Variants in HOPX observed in about 807,000 individuals in gnomAD.
The protein encoded by HOPX is homeodomain-only protein.
HOPX carries 5 observed loss-of-function variants against 11.8 expected under a neutral mutation model. The ratio of observed to expected loss-of-function variants is 0.43; its 90% confidence interval spans 0.22 to 0.89. The LOEUF is 0.89. HOPX is among the 40% of genes least tolerant of loss of function. The pLI, the probability that HOPX is intolerant of heterozygous loss-of-function variation, is 0.28. For missense variants in HOPX, 119 were observed against 120.0 expected (o/e 0.99, Z 0.04); for synonymous variants, 49 against 49.7 (o/e 0.99, Z 0.06).
chr4:56,669,633 C>T (rs1049317535), intron 1 of HOPX, among the ~76,000 whole-genome samples: 6 of 150,972 alleles, frequency 4.0e-5, no homozygotes, highest in Admixed American at 1.3e-4. Flanking sequence ...CACTCCAACC[C>T]GGGTGATAGA....
chr4:56,652,383 A>C (rs1231882095), intron 3 of HOPX, among the ~76,000 whole-genome samples: 1 of 152,026 alleles, frequency 6.6e-6, no homozygotes, highest in African/African-American at 2.4e-5. Flanking sequence ...TGTTCTAGGG[A>C]AGTTAAGAAT....
intron 1 of HOPX, among the ~76,000 whole-genome samples, chr4:56,661,250 G>A (rs746854209): frequency 2.6e-4 from 40 of 152,110 alleles, no homozygotes; most frequent in Admixed American, 2.6e-4. Flanking sequence ...ACTCAACAGT[G>A]TTTCCAGAAC....
chr4:56,671,342 A>G (rs900303019), intron 1 of HOPX, among the ~76,000 whole-genome samples: 1 of 152,066 alleles, frequency 6.6e-6, no homozygotes, highest in African/African-American at 2.4e-5. Context: ...CTGCAAGCAG[A>G]CAGAACTTCC....
At chr4:56,673,384 C>T (rs539461238) in intron 1 of HOPX, among the ~76,000 whole-genome samples, 7 of 152,034 alleles carry the variant, frequency 4.6e-5, no homozygotes, top group South Asian at 4.2e-4. Flanking sequence ...ACTCATCATA[C>T]GCCTAAAGAC....
chr4:56,677,760 G>A (rs1218522504), intron 1 of HOPX, among the ~76,000 whole-genome samples: 1 of 151,450 alleles, frequency 6.6e-6, no homozygotes, highest in African/African-American at 2.5e-5. Flanking sequence ...AAGTCACAAC[G>A]ACAAACTTCA....
rs1189893101 is a variant in HOPX at position 56,651,870 on chromosome 4, G to GTGTGTGTT, written c.199-3074_199-3073insAACACACA. On this transcript the variant is annotated intron_variant, in intron 3 of 3. Transcript: ENST00000420433. The stretch of plus-strand genomic sequence containing the variant: ...AGGGAGAGAGAGAAAGAGAGAGAGA[G>GTGTGTGTT]AGAGTGTGTGTGTGTGTGTGTGTGT... Among the ~76,000 whole-genome samples, 394 of 117,900 alleles carry GTGTGTGTT rather than the reference G, an allele frequency of 3.3e-3. 3 individuals are homozygous for GTGTGTGTT. Among genetic ancestry groups the GTGTGTGTT allele is most frequent in the Middle Eastern group, 8.5e-3 (2 of 236 alleles). 77.3% of individuals were successfully genotyped at this position (117,900 alleles called of 152,430 possible).
At chr4:56,658,286 A>G (rs1227457315) in intron 1 of HOPX, among the ~76,000 whole-genome samples, 1 of 152,118 alleles carries the variant, frequency 6.6e-6, no homozygotes, top group African/African-American at 2.4e-5. Flanking sequence ...CTGGTCTTAC[A>G]TTTAATTTAC....
rs368710873 is a variant in HOPX, at chr4:56,650,906, G to A, written c.199-2109C>T. Reference sequence around the variant, plus strand: ...CCATTTTCTTCTGTAACCTGTGTGCGTGTGTTTAGTTAACTCTGGATTCTG... The same window carrying A: ...CCATTTTCTTCTGTAACCTGTGTGCATGTGTTTAGTTAACTCTGGATTCTG... On this transcript the variant is annotated intron_variant, in intron 3 of 3. Transcript: ENST00000420433. The A allele has an allele frequency of 1.7e-4, 204 of 1,231,362 alleles. 1 individual carries two copies. In the African/African-American group the frequency reaches 2.2e-3, roughly 13 times the overall value. The allele number at this position is 1,231,362 out of a possible 1,614,324, so 76.3% of individuals were successfully genotyped here. A position where few individuals can be genotyped will look rare whatever the true frequency, so the allele number is the denominator to read the frequency against.
rs796685500 is a variant in HOPX, at chr4:56,651,873, AGTGTGTGTGT to A, written c.199-3086_199-3077del. On this transcript the variant is annotated intron_variant, in intron 3 of 3. Transcript: ENST00000420433. ...GAGAGAGAGAAAGAGAGAGAGAGAG[AGTGTGTGTGT>A]GTGTGTGTGTGTGTGTGTGTGTGTG... Among the ~76,000 whole-genome samples the A allele has an allele frequency of 4.8e-3, 662 of 136,756 alleles. 8 individuals are homozygous for A. The highest frequency in any genetic ancestry group is 0.016 in the African/African-American group (600 of 36,474). 89.7% of individuals were successfully genotyped at this position (136,756 alleles called of 152,430 possible).
At position 56,655,918 on chromosome 4, in the gene HOPX, G is replaced by A. The variant is rs369797836; in HGVS notation, c.137C>T (p.Pro46Leu). ...EYNFNKVDKHPDSTTLCLIAA... is the reference protein window; with the variant it reads ...EYNFNKVDKHLDSTTLCLIAA... ...GATGAGGCACAGCGTGGTGGAATCC[G>A]GGTGCTTGTCGACCTTGTTGAAGTT... Residue 46 changes from proline (P) to leucine (L), a missense_variant, in exon 3 of 4, where the codon CCG (proline) becomes CTG (leucine). Transcript: ENST00000420433. The A allele has an allele frequency of 2.5e-6, 4 of 1,611,904 alleles. No individual in the cohort carries two copies. The highest frequency in any genetic ancestry group is 3.4e-6 in the Non-Finnish European group (4 of 1,179,146).
In HOPX at chr4:56,655,853, G is replaced by A. The variant is rs369603278; in HGVS notation, c.198+4C>T. ...GGGCGCGCTGGGCGCGTGTGGGGAC[G>A]CACCTGGGTCTCCTCCTCGGAAAGG... On this transcript the variant is annotated splice_donor_region_variant and intron_variant, in intron 3 of 3. Transcript: ENST00000420433. 1.1e-5 allele frequency: 18 copies of A among 1,609,890 alleles called. No homozygotes were observed. The African/African-American group carries it at 1.7e-4, about 16-fold the overall frequency.
chr4:56,662,473 CT>C (rs1269986511), intron 1 of HOPX: 2 of 132,626 alleles, frequency 1.5e-5, no homozygotes, highest in African/African-American at 6.2e-5. Context: ...TTCTTTCTTT[CT>C]TTCTTTCTTC....
At chr4:56,674,478 T>C (rs1718898009) in intron 1 of HOPX, among the ~76,000 whole-genome samples, 1 of 151,684 alleles carries the variant, frequency 6.6e-6, no homozygotes, top group East Asian at 1.9e-4. Flanking sequence ...CTAGGAAATT[T>C]TCCTCATGAT....
chr4:56,679,864 A>G (rs1357463129), intron 1 of HOPX: 2 of 152,358 alleles, frequency 1.3e-5, no homozygotes, highest in East Asian at 3.9e-4. Context: ...GTGCATGGAC[A>G]TAACATCTAA....
At chr4:56,668,736 T>A (rs1167064784) in intron 1 of HOPX, among the ~76,000 whole-genome samples, 1 of 152,204 alleles carries the variant, frequency 6.6e-6, no homozygotes, top group African/African-American at 2.4e-5. Context: ...CTGTAATGGA[T>A]AAATTATATG....
intron 1 of HOPX, among the ~76,000 whole-genome samples, chr4:56,667,164 C>T (rs1282663866): frequency 6.6e-6 from 1 of 152,142 alleles, no homozygotes; most frequent in East Asian, 1.9e-4. Flanking sequence ...CTATTAAATG[C>T]ATGTTGATTG....
At chr4:56,650,426 C>T (rs1188881133) in intron 3 of HOPX, 1 of 421,308 alleles carries the variant, frequency 2.4e-6, no homozygotes, top group South Asian at 2.9e-5. Flanking sequence ...ACAGGATGGG[C>T]TCTAGGAAGC....
At chr4:56,665,927 T>C (rs1367430062) in intron 1 of HOPX, among the ~76,000 whole-genome samples, 1 of 152,194 alleles carries the variant, frequency 6.6e-6, no homozygotes, top group Non-Finnish European at 1.5e-5. Context: ...CGAACAGTTC[T>C]GCAGACAGCA....
At chr4:56,656,463 G>A (rs1717746922) in intron 2 of HOPX, 2 of 979,384 alleles carry the variant, frequency 2.0e-6, no homozygotes, top group Non-Finnish European at 1.2e-6. Flanking sequence ...GCGAGGGTGG[G>A]TTCGCCCGAG....
Sources: gnomAD v4.1 joint callset for allele counts (sites outside exome capture counted in the v4.1 genomes callset) on GRCh38, gnomAD v4.1.1 for gene constraint, MANE v1.5 for transcripts, NCBI Gene and HGNC (gene_info 2026-07-23, HGNC 2026-07-21) for gene names.